Variants in BRINP3 observed in about 807,000 individuals in gnomAD.
BRINP3 encodes BMP/retinoic acid inducible neural specific 3, also known as BMP/retinoic acid-inducible neural-specific protein 3.
A neutral mutation model predicts 71.0 loss-of-function variants in BRINP3; 19 were observed. The observed-to-expected ratio is 0.27, with a 90% CI of 0.19 to 0.39. The LOEUF (loss-of-function observed/expected upper bound fraction) is 0.39. Ranked by LOEUF, BRINP3 falls within the 10% of genes least tolerant of loss-of-function variation. BRINP3 has a pLI of 1.00. For missense variants in BRINP3, 959 were observed against 940.8 expected (o/e 1.02, Z -0.25); for synonymous variants, 380 against 337.7 (o/e 1.13, Z -1.37).
chr1:190,255,650 G>T (rs1660593148), intron 4 of BRINP3, among the ~76,000 whole-genome samples: 1 of 151,806 alleles, frequency 6.6e-6, no homozygotes, highest in African/African-American at 2.4e-5. Context: ...ATTTTTTATT[G>T]CATTTATTTT....
rs965021172 is a variant in BRINP3 at position 190,230,332 on chromosome 1, T to C, written c.725-4014A>G. Among the ~76,000 whole-genome samples the C allele has an allele frequency of 5.7e-4, 87 of 151,968 alleles. 1 individual carries two copies. The highest frequency in any genetic ancestry group is 1.9e-3 in the African/African-American group (80 of 41,406). ...ATTTGCAGCATATCACCATATGTTA[T>C]GGCAAGACAAATAGCTAAGTAAAAA... is the stretch of plus-strand genomic sequence containing the variant. On this transcript the variant is annotated intron_variant, in intron 5 of 7. Coordinates refer to ENST00000367462, the MANE Select transcript of BRINP3 (RefSeq NM_199051.3).
chr1:190,302,730 A>T (rs1433993672), intron 2 of BRINP3: 1 of 151,932 alleles, frequency 6.6e-6, no homozygotes, highest in Admixed American at 6.6e-5. Flanking sequence ...GAGAGCATAA[A>T]TGTGAAAATA....
chr1:190,396,330 T>C (rs1650574796), intron 2 of BRINP3, among the ~76,000 whole-genome samples: 1 of 151,872 alleles, frequency 6.6e-6, no homozygotes, highest in Admixed American at 6.6e-5. Flanking sequence ...TTATACAGTT[T>C]ACAGTACATA....
chr1:190,343,283 T>C (rs1667789443), intron 2 of BRINP3, among the ~76,000 whole-genome samples: 1 of 151,920 alleles, frequency 6.6e-6, no homozygotes, highest in South Asian at 2.1e-4. Flanking sequence ...GCAGATATAC[T>C]TGGAAGAAGG....
chr1:190,377,147 C>A (rs1002417104), intron 2 of BRINP3, among the ~76,000 whole-genome samples: 3 of 151,942 alleles, frequency 2.0e-5, no homozygotes, highest in Non-Finnish European at 4.4e-5. Context: ...AAGTGCACCT[C>A]TAAAGCACAT....
At chr1:190,353,713 A>T (rs370749536) in intron 2 of BRINP3, among the ~76,000 whole-genome samples, 23 of 152,076 alleles carry the variant, frequency 1.5e-4, no homozygotes, top group African/African-American at 5.1e-4. Flanking sequence ...AATCCTTCCC[A>T]GAAACCTCAA....
rs74838155 is a variant in BRINP3 at position 190,428,428 on chromosome 1, C to A, written c.236+26227G>T. On this transcript the variant is annotated intron_variant, in intron 2 of 7. Transcript: ENST00000367462. ...TCTTTATTATCAATACCTCATAATC[C>A]CCCCCCAAAAAAACTCGTATTTTTT... is the stretch of plus-strand genomic sequence containing the variant. Among the ~76,000 whole-genome samples the A allele has an allele frequency of 3.8e-3, 572 of 151,344 alleles. 4 individuals carry two copies. The highest frequency in any genetic ancestry group is 0.013 in the African/African-American group (532 of 41,294).
chr1:190,367,729 CA>C (rs1558223401), intron 2 of BRINP3, among the ~76,000 whole-genome samples: 3 of 152,144 alleles, frequency 2.0e-5, no homozygotes, highest in Non-Finnish European at 4.4e-5. Flanking sequence ...ATATCTAAGG[CA>C]GGGGCAAAAT....
intron 2 of BRINP3, among the ~76,000 whole-genome samples, chr1:190,337,933 C>G (rs918930809): frequency 6.6e-6 from 1 of 151,956 alleles, no homozygotes. Context: ...TCTTGTCATA[C>G]TTTTATACGT....
At chr1:190,360,116 A>C (rs1227748114) in intron 2 of BRINP3, among the ~76,000 whole-genome samples, 1 of 152,100 alleles carries the variant, frequency 6.6e-6, no homozygotes, top group Non-Finnish European at 1.5e-5. Context: ...AATTTCCCTC[A>C]CTCTACTATT....
intron 6 of BRINP3, among the ~76,000 whole-genome samples, chr1:190,188,373 T>A (rs1251575212): frequency 6.6e-6 from 1 of 152,198 alleles, no homozygotes; most frequent in Non-Finnish European, 1.5e-5. Flanking sequence ...TCTTGTTTAA[T>A]TGCTCTTGCT....
intron 1 of BRINP3, among the ~76,000 whole-genome samples, chr1:190,466,113 A>G (rs1206522508): frequency 6.6e-6 from 1 of 150,786 alleles, no homozygotes; most frequent in Non-Finnish European, 1.5e-5. Context: ...ACTTTTGGAT[A>G]GTGTGCTCAA....
At chr1:190,160,454 GAAAT>G (rs1657251163) in intron 7 of BRINP3, among the ~76,000 whole-genome samples, 1 of 151,866 alleles carries the variant, frequency 6.6e-6, no homozygotes, top group Non-Finnish European at 1.5e-5. Flanking sequence ...AAGAAAAAAA[GAAAT>G]AAGTGCTAGT....
At chr1:190,225,469 A>G (rs967480162) in intron 6 of BRINP3, among the ~76,000 whole-genome samples, 5 of 151,972 alleles carry the variant, frequency 3.3e-5, no homozygotes, top group African/African-American at 1.2e-4. Context: ...GGTGGTTTCC[A>G]GAGGCCAGGA....
chr1:190,374,703 A>T (rs376369352), intron 2 of BRINP3, among the ~76,000 whole-genome samples: 1 of 151,984 alleles, frequency 6.6e-6, no homozygotes, highest in South Asian at 2.1e-4. Context: ...AATATAAATA[A>T]CAATAATAAG....
intron 2 of BRINP3, among the ~76,000 whole-genome samples, chr1:190,291,301 A>G (rs974645204): frequency 3.3e-5 from 5 of 152,092 alleles, no homozygotes; most frequent in African/African-American, 7.2e-5. Flanking sequence ...TGCAGAGAAC[A>G]CAAGCACAGA....
chr1:190,177,431 G>A (rs1472460975), intron 6 of BRINP3, among the ~76,000 whole-genome samples: 1 of 149,984 alleles, frequency 6.7e-6, no homozygotes, highest in African/African-American at 2.5e-5. Context: ...ACCCGCCTCG[G>A]CCTCCCAAAG....
At chr1:190,382,532 T>C (rs1670613460) in intron 2 of BRINP3, among the ~76,000 whole-genome samples, 1 of 152,208 alleles carries the variant, frequency 6.6e-6, no homozygotes, top group South Asian at 2.1e-4. Flanking sequence ...TATTTAAAGG[T>C]GAGGAAAACG....
rs1052843669 is a variant in BRINP3 at position 190,160,775 on chromosome 1, C to A, written c.1077G>T (p.Glu359Asp). 1 of 1,613,462 alleles carries A rather than the reference C, an allele frequency of 6.2e-7. No individual in the cohort carries two copies. Among genetic ancestry groups the A allele is most frequent in the Non-Finnish European group, 8.5e-7 (1 of 1,179,706 alleles). Residue 359 changes from glutamate (E) to aspartate (D), a missense_variant, in exon 7 of 8, where the codon GAG (glutamate) becomes GAT (aspartate). Transcript: ENST00000367462. Reference protein sequence around the residue: ...SNFQRRYEQLENSMKQLFLKA... With the variant: ...SNFQRRYEQLDNSMKQLFLKA... The stretch of plus-strand genomic sequence containing the variant: ...TTAGGAAAAGTTGTTTCATGCTGTT[C>A]TCCAGTTGTTCATAACGGCGCTGAA...
Sources: gnomAD v4.1 joint callset for allele counts (sites outside exome capture counted in the v4.1 genomes callset) on GRCh38, gnomAD v4.1.1 for gene constraint, MANE v1.5 for transcripts, NCBI Gene and HGNC (gene_info 2026-07-23, HGNC 2026-07-21) for gene names.